PLEKHM1: variants seen among roughly 807,000 people sequenced by gnomAD.
PLEKHM1 encodes pleckstrin homology domain-containing family M member 1.
A neutral mutation model predicts 94.3 loss-of-function variants in PLEKHM1; 28 were observed. The observed-to-expected ratio is 0.30, with a 90% CI of 0.22 to 0.41. PLEKHM1 has a LOEUF of 0.41. Ranked by LOEUF, PLEKHM1 falls within the 10% of genes least tolerant of loss-of-function variation. The pLI is 1.00. For missense variants in PLEKHM1, 907 were observed against 1,358.6 expected, an observed-to-expected ratio of 0.67 and a Z score of 5.22; for synonymous variants, 424 against 581.2, an observed-to-expected ratio of 0.73 and a Z score of 3.89.
At chr17:45,485,444 G>A (rs2145361177) in intron 1 of PLEKHM1, among the ~76,000 whole-genome samples, 1 of 152,146 alleles carries the variant, frequency 6.6e-6, no homozygotes, top group East Asian at 1.9e-4. Flanking sequence ...CTACAGGGCC[G>A]GGACCCTAAG....
At chr17:45,465,454 A>T in intron 5 of PLEKHM1, among the ~76,000 whole-genome samples, 1 of 152,040 alleles carries the variant, frequency 6.6e-6, no homozygotes, top group Admixed American at 6.6e-5. Context: ...CATGCCTGTA[A>T]TCCCAGCACT....
chr17:45,457,548 G>A (rs1397099034), intron 6 of PLEKHM1, among the ~76,000 whole-genome samples: 3 of 149,584 alleles, frequency 2.0e-5, no homozygotes, highest in Non-Finnish European at 4.4e-5. Flanking sequence ...CAACAAAAGG[G>A]AAACTCCACC....
rs200261737 is a variant in PLEKHM1, at chr17:45,439,514, C to T, written c.3022G>A (p.Asp1008Asn). Residue 1008 changes from aspartate to asparagine, a missense_variant, in exon 11 of 12, where the codon GAC becomes AAC. Asp to Asn is a conservative substitution (Grantham distance 23). Around this residue, in one of 3 missense-constraint regions of PLEKHM1, gnomAD observed 254 missense variants for 451.1 expected, o/e 0.56. Transcript: ENST00000430334. ...GFICQICQHH[D>N]IIFPFEFDTT... ...TCAAACTCAAAGGGGAAGATGATGT[C>T]GTGGTGCTGGCAGATCTGGCAGATG... 1.3e-4 allele frequency: 210 copies of T among 1,614,194 alleles called. No individual in the cohort carries two copies. The highest frequency in any genetic ancestry group is 4.3e-4 in the Admixed American group (26 of 60,026).
At chr17:45,455,072 A>G (rs1223242424) in intron 6 of PLEKHM1, among the ~76,000 whole-genome samples, 3 of 152,206 alleles carry the variant, frequency 2.0e-5, no homozygotes, top group Non-Finnish European at 2.9e-5. Flanking sequence ...GATTGCAGTG[A>G]GCTGAGGTCA....
rs148668460 is a variant in PLEKHM1 at position 45,459,166 on chromosome 17, A to G, written c.1309-727T>C. Among the ~76,000 whole-genome samples, 720 of 152,204 alleles carry G rather than the reference A, an allele frequency of 4.7e-3. 5 individuals are homozygous for G. The highest frequency in any genetic ancestry group is 0.016 in the African/African-American group (684 of 41,504). ...AAAAAATAAATAAATAAAGTGTCCAATTCAAACATTTTGGCTTAGTCAGAG... is the reference window on the plus strand; with the variant it reads ...AAAAAATAAATAAATAAAGTGTCCAGTTCAAACATTTTGGCTTAGTCAGAG... On this transcript the variant is annotated intron_variant, in intron 5 of 11. Transcript: ENST00000430334.
chr17:45,490,178 T>C (rs1214455872), intron 1 of PLEKHM1, among the ~76,000 whole-genome samples: 1 of 145,406 alleles, frequency 6.9e-6, no homozygotes, highest in Non-Finnish European at 1.5e-5. Context: ...CTTGGGGAGC[T>C]AGACGGGGGA....
chr17:45,452,808 T>G, intron 7 of PLEKHM1: 1 of 168,102 alleles, frequency 5.9e-6, no homozygotes, highest in Non-Finnish European at 1.3e-5. Flanking sequence ...AAATAGAAAA[T>G]TCAGTTGCTT....
At chr17:45,476,205 T>C (rs1006110282) in intron 3 of PLEKHM1, 1 of 147,696 alleles carries the variant, frequency 6.8e-6, no homozygotes, top group Non-Finnish European at 1.5e-5. Context: ...ACATTATATA[T>C]ATATATATAT....
chr17:45,474,074 TGAGACAGAGTC>T (rs2051617938), intron 4 of PLEKHM1, among the ~76,000 whole-genome samples: 1 of 148,588 alleles, frequency 6.7e-6, no homozygotes, highest in African/African-American at 2.5e-5. Context: ...TTTTTTTTTT[TGAGACAGAGTC>T]TTACTCTGTC....
At chr17:45,472,633 A>G (rs1001082652) in intron 4 of PLEKHM1, among the ~76,000 whole-genome samples, 5 of 152,128 alleles carry the variant, frequency 3.3e-5, no homozygotes, top group African/African-American at 7.2e-5. Context: ...TTCCTCCCCA[A>G]TGTATTCTAT....
In PLEKHM1 at chr17:45,439,617, A is replaced by C. The variant is rs751514653; in HGVS notation, c.2919T>G (p.Tyr973Ter). 1.9e-6 allele frequency: 3 copies of C among 1,614,062 alleles called. No homozygotes were observed. The highest frequency in any genetic ancestry group is 2.5e-6 in the Non-Finnish European group (3 of 1,179,986). Residue 973 changes from tyrosine to a stop codon, truncating the protein, a stop_gained, in exon 11 of 12, where the codon TAT becomes TAG. Coordinates refer to ENST00000430334, the MANE Select transcript of PLEKHM1 (RefSeq NM_014798.3). LOFTEE classifies it high-confidence loss of function. ...ADLQQIADGV[Y>*]EGFLKALIEF... The stretch of plus-strand genomic sequence containing the variant: ...CAATCAGGGCCTTGAGGAATCCTTC[A>C]TACACCCCGTCTGCGATCTGCGGAG...
Position 45,435,979 on chromosome 17 carries a change from TC to T in PLEKHM1, c.*1878del. ...AATTCCTTCAATACATTGCAAAGAC[TC>T]CTCAGGGCCAGAGCCCTGCTCACTA... On this transcript the variant is annotated 3_prime_UTR_variant, in exon 12 of 12. Coordinates refer to ENST00000430334, the MANE Select transcript of PLEKHM1 (RefSeq NM_014798.3). The T allele has an allele frequency of 2.2e-6, 1 of 456,658 alleles. No individual in the cohort carries two copies. The highest frequency in any genetic ancestry group is 4.4e-6 in the Non-Finnish European group (1 of 226,972). The allele number at this position is 456,658 out of a possible 1,614,324, so 28.3% of individuals were successfully genotyped here.
chr17:45,477,235 G>A (rs544593788), intron 3 of PLEKHM1: 1 of 159,986 alleles, frequency 6.3e-6, no homozygotes, highest in East Asian at 1.8e-4. Context: ...AGGAGTTTGA[G>A]AGCAGCCTGA....
chr17:45,474,653 TG>T (rs1189186172), intron 4 of PLEKHM1, among the ~76,000 whole-genome samples: 3 of 152,370 alleles, frequency 2.0e-5, no homozygotes, highest in Admixed American at 6.5e-5. Context: ...CTAAGTATCT[TG>T]TTTTTTTGTT....
At chr17:45,487,403 G>C (rs1185736306) in intron 1 of PLEKHM1, among the ~76,000 whole-genome samples, 1 of 152,154 alleles carries the variant, frequency 6.6e-6, no homozygotes, top group African/African-American at 2.4e-5. Context: ...TGGACCAAAA[G>C]GCCTCAGGTC....
At chr17:45,473,047 G>C (rs2051567486) in intron 4 of PLEKHM1, among the ~76,000 whole-genome samples, 1 of 152,094 alleles carries the variant, frequency 6.6e-6, no homozygotes, top group African/African-American at 2.4e-5. Context: ...CAGTTGGCAA[G>C]GCTAAGAAAC....
At position 45,475,667 on chromosome 17, in the gene PLEKHM1, C is replaced by T. The variant is rs541756972; in HGVS notation, c.356G>A (p.Arg119Gln). The T allele has an allele frequency of 4.3e-6, 7 of 1,613,744 alleles. No homozygotes were observed. Among genetic ancestry groups the T allele is most frequent in the African/African-American group, 2.7e-5 (2 of 75,026 alleles). ...GTTCAGGGCCAGCCGCAGCCATGCC[C>T]GGCAGCGGCCCACATCCGTGTTGAC... is the stretch of plus-strand genomic sequence containing the variant. The part of the protein sequence containing the change: ...TFVNTDVGRC[R>Q]AWLRLALNDG... Residue 119 changes from arginine to glutamine, a missense_variant, in exon 4 of 12, where the codon CGG becomes CAG. Coordinates refer to ENST00000430334, the MANE Select transcript of PLEKHM1 (RefSeq NM_014798.3).
intron 3 of PLEKHM1, chr17:45,477,695 CT>C (rs1418547981): frequency 4.7e-5 from 30 of 636,984 alleles, no homozygotes; most frequent in Non-Finnish European, 7.8e-5. Context: ...TGCTGAGGGT[CT>C]CAAGATCTGC....
chr17:45,440,926 TCTGGTTTCAGTGCTACA>T (rs980614874), intron 9 of PLEKHM1: 1 of 156,948 alleles, frequency 6.4e-6, no homozygotes, highest in Non-Finnish European at 1.4e-5. Context: ...CATTCAAGTG[TCTGGTTTCAGTGCTACA>T]CTGGTTTCAG....
Sources: allele counts gnomAD v4.1 joint callset (sites outside exome capture counted in the v4.1 genomes callset), GRCh38; gene constraint gnomAD v4.1.1; regional missense constraint gnomAD v4.1.1; transcripts MANE v1.5; gene names NCBI Gene and HGNC (gene_info 2026-07-23, HGNC 2026-07-21).